Variants in G2E3 observed in about 807,000 individuals in gnomAD.
The protein encoded by G2E3 is G2/M phase-specific E3 ubiquitin-protein ligase.
A neutral mutation model predicts 92.8 loss-of-function variants in G2E3; 35 were observed. That is an observed-to-expected ratio of 0.38 (90% CI 0.29 to 0.50). G2E3 has a LOEUF of 0.50. G2E3 is among the 20% of genes least tolerant of loss of function. The pLI is 0.94. For missense variants in G2E3, 554 were observed against 823.8 expected (o/e 0.67, Z 4.01); for synonymous variants, 242 against 272.4 (o/e 0.89, Z 1.10).
At chr14:30,610,449 A>G (rs1253002098) in intron 12 of G2E3, among the ~76,000 whole-genome samples, 1 of 152,096 alleles carries the variant, frequency 6.6e-6, no homozygotes, top group Non-Finnish European at 1.5e-5. Flanking sequence ...CCCCATCTTT[A>G]CTAAAAATAC....
chr14:30,605,830 T>G lies in G2E3; in HGVS notation c.1318+18T>G. 1 of 1,326,424 alleles carries G rather than the reference T, an allele frequency of 7.5e-7. No homozygotes were observed. Among genetic ancestry groups the G allele is most frequent in the Non-Finnish European group, 1.0e-6 (1 of 960,092 alleles). The allele number at this position is 1,326,424 out of a possible 1,614,324, so 82.2% of individuals were successfully genotyped here. A position where few individuals can be genotyped will look rare whatever the true frequency, so the allele number is the denominator to read the frequency against. ...TTCTCAAGGTAATTATTTTATTTATTGTTGTATATACCAAATATCACATGT... is the reference window on the plus strand; with the variant it reads ...TTCTCAAGGTAATTATTTTATTTATGGTTGTATATACCAAATATCACATGT... On this transcript the variant is annotated intron_variant, in intron 11 of 14. Transcript: ENST00000206595.
intron 14 of G2E3, 100 bp downstream of exon 14, chr14:30,615,639 A>G (rs1479927811): frequency 4.7e-6 from 3 of 638,062 alleles, no homozygotes; most frequent in East Asian, 5.8e-5. Flanking sequence ...TTTGGTATTA[A>G]TATTAAGATG....
intron 8 of G2E3, among the ~76,000 whole-genome samples, chr14:30,601,084 T>G (rs1224190340): frequency 6.6e-6 from 1 of 151,954 alleles, no homozygotes; most frequent in East Asian, 1.9e-4. Context: ...ACCTCTGGGG[T>G]AGGGATGATA....
Position 30,598,479 on chromosome 14 carries a change from A to G in G2E3, c.636-4A>G, listed in dbSNP as rs748723769. ...CAAAGCATATTTTATATCTTCTTTTATAGAGATGCTTCCTGGGAATTAGAG... is the reference window on the plus strand; with the variant it reads ...CAAAGCATATTTTATATCTTCTTTTGTAGAGATGCTTCCTGGGAATTAGAG... On this transcript the variant is annotated splice_region_variant and splice_polypyrimidine_tract_variant and intron_variant, in intron 7 of 14. Coordinates refer to ENST00000206595, the MANE Select transcript of G2E3 (RefSeq NM_017769.5). 5 of 1,530,584 alleles carry G rather than the reference A, an allele frequency of 3.3e-6. No homozygotes were observed. The highest frequency in any genetic ancestry group is 2.7e-6 in the Non-Finnish European group (3 of 1,104,036). 94.8% of individuals were successfully genotyped at this position (1,530,584 alleles called of 1,614,324 possible).
chr14:30,560,582 T>A (rs895382374), intron 1 of G2E3: 1 of 536,846 alleles, frequency 1.9e-6, no homozygotes, highest in African/African-American at 1.9e-5. Context: ...TCTAAGCCTT[T>A]CTGCTCATTT....
intron 1 of G2E3, among the ~76,000 whole-genome samples, chr14:30,575,157 G>A (rs1323743615): frequency 6.6e-6 from 1 of 152,034 alleles, no homozygotes; most frequent in Non-Finnish European, 1.5e-5. Context: ...GTTTTGATTT[G>A]CATTTCTCTA....
At chr14:30,563,185 G>T in intron 1 of G2E3, among the ~76,000 whole-genome samples, 1 of 151,338 alleles carries the variant, frequency 6.6e-6, no homozygotes, top group Non-Finnish European at 1.5e-5. Context: ...ATTATGAGTG[G>T]TATGTTAGAT....
At chr14:30,600,826 G>A (rs980591998) in intron 8 of G2E3, among the ~76,000 whole-genome samples, 3 of 152,174 alleles carry the variant, frequency 2.0e-5, no homozygotes, top group Non-Finnish European at 2.9e-5. Context: ...AACTTGAGTG[G>A]ACAAGTTATT....
At chr14:30,565,164 T>C (rs1331481812) in intron 1 of G2E3, among the ~76,000 whole-genome samples, 3 of 152,330 alleles carry the variant, frequency 2.0e-5, no homozygotes, top group African/African-American at 2.4e-5. Context: ...ATTATTATTA[T>C]AGCTATTATA....
At chr14:30,585,084 T>G (rs530042581) in intron 2 of G2E3, among the ~76,000 whole-genome samples, 3 of 152,276 alleles carry the variant, frequency 2.0e-5, no homozygotes, top group African/African-American at 7.2e-5. Flanking sequence ...TCTGCCCGCC[T>G]GGGCCTCCCA....
At chr14:30,585,983 C>T (rs1880693927) in intron 2 of G2E3, among the ~76,000 whole-genome samples, 3 of 152,156 alleles carry the variant, frequency 2.0e-5, no homozygotes, top group Admixed American at 2.0e-4. Flanking sequence ...CCTCTTTTCC[C>T]AGTTTCTTCT....
At chr14:30,559,399 G>A (rs1878952641) in intron 1 of G2E3, 127 bp downstream of exon 1, 1 of 152,564 alleles carries the variant, frequency 6.6e-6, no homozygotes, top group African/African-American at 2.4e-5. Flanking sequence ...GGGACGTCTG[G>A]TGCTGGGGCC....
chr14:30,596,179 T>C (rs1482584434), intron 6 of G2E3, among the ~76,000 whole-genome samples: 1 of 151,828 alleles, frequency 6.6e-6, no homozygotes, highest in East Asian at 1.9e-4. Flanking sequence ...TTGCTAATTG[T>C]CTGAACCTGG....
intron 7 of G2E3, among the ~76,000 whole-genome samples, chr14:30,597,929 GA>G (rs199779040): frequency 6.6e-6 from 1 of 152,126 alleles, no homozygotes; most frequent in Non-Finnish European, 1.5e-5. Context: ...GAAATATTTG[GA>G]AAAATGTGTT....
intron 8 of G2E3, among the ~76,000 whole-genome samples, chr14:30,601,061 A>C (rs549766920): frequency 6.6e-6 from 1 of 152,264 alleles, no homozygotes; most frequent in Admixed American, 6.5e-5. Flanking sequence ...ACACAGAGGG[A>C]TGATATGCCC....
chr14:30,600,542 C>T (rs1881517336), intron 8 of G2E3, among the ~76,000 whole-genome samples: 1 of 152,124 alleles, frequency 6.6e-6, no homozygotes, highest in Non-Finnish European at 1.5e-5. Context: ...AGAAGCAATA[C>T]ATTCATAATA....
At chr14:30,583,709 C>A (rs1880554345) in intron 2 of G2E3, among the ~76,000 whole-genome samples, 1 of 152,142 alleles carries the variant, frequency 6.6e-6, no homozygotes, top group Non-Finnish European at 1.5e-5. Context: ...ATAATTAGCT[C>A]CATTTAGCTG....
intron 6 of G2E3, 59 bp from the exon 7 acceptor site, chr14:30,597,356 CATAAT>C (rs1881339286): frequency 3.6e-6 from 3 of 825,040 alleles, no homozygotes; most frequent in Non-Finnish European, 4.2e-6. Context: ...TGTTCTGTTA[CATAAT>C]ATATCACCTG....
At chr14:30,604,990 G>C (rs1017726242) in intron 10 of G2E3, among the ~76,000 whole-genome samples, 2 of 152,092 alleles carry the variant, frequency 1.3e-5, no homozygotes, top group African/African-American at 4.8e-5. Flanking sequence ...TCTGCTTCCC[G>C]GGTTCAAGTG....
Sources: gnomAD v4.1 joint callset for allele counts (sites outside exome capture counted in the v4.1 genomes callset) on GRCh38, gnomAD v4.1.1 for gene constraint, MANE v1.5 for transcripts, NCBI Gene and HGNC (gene_info 2026-07-23, HGNC 2026-07-21) for gene names.